Variants in MEI4 observed in about 807,000 individuals in gnomAD.
MEI4 encodes meiotic double-stranded break formation protein 4.
Under a neutral mutation model 31.4 loss-of-function variants are expected in MEI4, and 27 were observed. That is an observed-to-expected ratio of 0.86 (90% CI 0.63 to 1.19). The LOEUF (loss-of-function observed/expected upper bound fraction) is 1.19. Among genes scored for constraint, MEI4 ranks in the 50% most tolerant of loss-of-function variants. The pLI, the probability that MEI4 is intolerant of heterozygous loss-of-function variation, is 0.00. For missense variants in MEI4, 329 were observed against 398.9 expected (o/e 0.82, Z 1.49); for synonymous variants, 122 against 145.4 (o/e 0.84, Z 1.16).
In MEI4 at chr6:77,731,947, G is replaced by A. The variant is rs572231127; in HGVS notation, c.233-29183G>A. 3.9e-3 allele frequency among the ~76,000 whole-genome samples: 586 copies of A among 148,612 alleles called. 6 individuals carry two copies. Among genetic ancestry groups the A allele is most frequent in the Non-Finnish European group, 6.4e-3 (428 of 67,358 alleles). The stretch of plus-strand genomic sequence containing the variant: ...AAGATCAGATAGTTGTACATATGCG[G>A]CATTATTTCTGAGGGCTCTGTTCTG... On this transcript the variant is annotated intron_variant, in intron 2 of 4. Coordinates refer to ENST00000684080, the MANE Select transcript of MEI4 (RefSeq NM_001322247.2).
At chr6:77,879,422 A>T (rs187386686) in intron 4 of MEI4, among the ~76,000 whole-genome samples, 2 of 152,204 alleles carry the variant, frequency 1.3e-5, no homozygotes, top group Non-Finnish European at 2.9e-5. Flanking sequence ...ACATGGATGG[A>T]GTTAAACCAA....
At chr6:77,654,081 A>G (rs569370978) in intron 1 of MEI4, among the ~76,000 whole-genome samples, 60 of 152,240 alleles carry the variant, frequency 3.9e-4, no homozygotes, top group Admixed American at 7.2e-4. Flanking sequence ...AAAAGCAATG[A>G]TACATGAATG....
intron 2 of MEI4, 84 bp downstream of exon 2, chr6:77,690,987 A>G (rs1769147088): frequency 1.4e-6 from 1 of 739,600 alleles, no homozygotes; most frequent in Non-Finnish European, 1.9e-6. Context: ...TATTCCCAAA[A>G]CATGAAAATT....
chr6:77,786,899 A>ACAT (rs1315620461), intron 3 of MEI4, among the ~76,000 whole-genome samples: 1 of 152,232 alleles, frequency 6.6e-6, no homozygotes, highest in Non-Finnish European at 1.5e-5. Flanking sequence ...ATGGATAACT[A>ACAT]CATCATGTTG....
intron 4 of MEI4, among the ~76,000 whole-genome samples, chr6:77,922,788 C>A (rs534369411): frequency 1.3e-5 from 2 of 151,664 alleles, no homozygotes; most frequent in Non-Finnish European, 2.9e-5. Context: ...CTTGCCAAGT[C>A]ACTGTTAAGA....
intron 2 of MEI4, among the ~76,000 whole-genome samples, chr6:77,699,978 C>T (rs190498863): frequency 6.6e-5 from 10 of 152,302 alleles, no homozygotes; most frequent in East Asian, 5.8e-4. Flanking sequence ...GAGGCGTACC[C>T]GGCAGTGTGA....
At chr6:77,812,928 C>G (rs995763794) in intron 3 of MEI4, among the ~76,000 whole-genome samples, 1 of 151,878 alleles carries the variant, frequency 6.6e-6, no homozygotes, top group South Asian at 2.1e-4. Context: ...AATTTTAGGG[C>G]CTGAAATGAG....
At chr6:77,891,228 T>C (rs1013722571) in intron 4 of MEI4, among the ~76,000 whole-genome samples, 2 of 152,170 alleles carry the variant, frequency 1.3e-5, no homozygotes, top group Non-Finnish European at 2.9e-5. Flanking sequence ...TTAAATATGT[T>C]TTCTATTATT....
intron 3 of MEI4, among the ~76,000 whole-genome samples, chr6:77,828,639 C>G (rs1235289606): frequency 6.6e-6 from 1 of 152,060 alleles, no homozygotes; most frequent in Admixed American, 6.6e-5. Flanking sequence ...TTTATCATCT[C>G]CTTTATTCAT....
At chr6:77,914,990 A>G (rs954105983) in intron 4 of MEI4, among the ~76,000 whole-genome samples, 1 of 152,012 alleles carries the variant, frequency 6.6e-6, no homozygotes, top group Non-Finnish European at 1.5e-5. Context: ...TAGTGGGGTT[A>G]TGTTTTTAAA....
At chr6:77,793,883 A>G (rs1235881132) in intron 3 of MEI4, among the ~76,000 whole-genome samples, 1 of 152,228 alleles carries the variant, frequency 6.6e-6, no homozygotes, top group African/African-American at 2.4e-5. Context: ...GGTACAAAGG[A>G]ATTACAAAAC....
At position 77,883,717 on chromosome 6, in the gene MEI4, G is replaced by GATAGATATATATATATAT. The variant is rs1554172067; in HGVS notation, c.901-39369_901-39368insGATATATATATATATATA. Among the ~76,000 whole-genome samples, 194 of 43,266 alleles carry GATAGATATATATATATAT rather than the reference G, an allele frequency of 4.5e-3. 1 individual carries two copies. Among genetic ancestry groups the GATAGATATATATATATAT allele is most frequent in the Admixed American group, 0.017 (68 of 3,958 alleles). 28.4% of individuals were successfully genotyped at this position (43,266 alleles called of 152,430 possible). A position where few individuals can be genotyped will look rare whatever the true frequency, so the allele number is the denominator to read the frequency against. On this transcript the variant is annotated intron_variant, in intron 4 of 4. Transcript: ENST00000684080. ...TATGCAATGAAATGCTATTATGTAA[G>GATAGATATATATATATAT]ATATATATATATATATATATATATA...
At chr6:77,881,162 A>G (rs1423334995) in intron 4 of MEI4, among the ~76,000 whole-genome samples, 1 of 151,152 alleles carries the variant, frequency 6.6e-6, no homozygotes, top group African/African-American at 2.4e-5. Context: ...CAGGGCACTG[A>G]TTCTCTGTGA....
intron 4 of MEI4, among the ~76,000 whole-genome samples, chr6:77,869,480 T>C (rs1406138203): frequency 6.6e-6 from 1 of 151,886 alleles, no homozygotes; most frequent in Non-Finnish European, 1.5e-5. Flanking sequence ...AAAGAAACAC[T>C]AAGGGTGCAT....
intron 1 of MEI4, among the ~76,000 whole-genome samples, chr6:77,685,760 A>T (rs1769043606): frequency 6.6e-6 from 1 of 152,160 alleles, no homozygotes; most frequent in Non-Finnish European, 1.5e-5. Context: ...TCTTCTGCAT[A>T]TTCTATAATT....
intron 2 of MEI4, among the ~76,000 whole-genome samples, chr6:77,698,611 C>T (rs1233190948): frequency 6.6e-6 from 1 of 152,194 alleles, no homozygotes; most frequent in Admixed American, 6.5e-5. Flanking sequence ...TCTCTTCTGG[C>T]TTATAGAGTT....
chr6:77,861,486 T>C (rs2127721241), intron 4 of MEI4, among the ~76,000 whole-genome samples: 1 of 152,308 alleles, frequency 6.6e-6, no homozygotes, highest in African/African-American at 2.4e-5. Context: ...TCAACATAGA[T>C]TAAATGCCTG....
chr6:77,654,217 T>C (rs1768347484), intron 1 of MEI4, among the ~76,000 whole-genome samples: 1 of 152,166 alleles, frequency 6.6e-6, no homozygotes, highest in African/African-American at 2.4e-5. Context: ...CAGGGAGTGT[T>C]ATAGATAGGA....
intron 4 of MEI4, among the ~76,000 whole-genome samples, chr6:77,893,704 T>A (rs1029932454): frequency 2.6e-5 from 4 of 152,196 alleles, no homozygotes; most frequent in South Asian, 4.1e-4. Flanking sequence ...ACTCCTTTTT[T>A]AAAAACATTT....
Sources: gnomAD v4.1 joint callset for allele counts (sites outside exome capture counted in the v4.1 genomes callset) on GRCh38, gnomAD v4.1.1 for gene constraint, MANE v1.5 for transcripts, NCBI Gene and HGNC (gene_info 2026-07-23, HGNC 2026-07-21) for gene names.